The following RALGPS1 variants were observed in gnomAD, a reference collection of about 807,000 sequenced individuals.
The protein encoded by RALGPS1 is Ral GEF with PH domain and SH3 binding motif 1.
RALGPS1 carries 19 observed loss-of-function variants against 78.8 expected under a neutral mutation model. That is an observed-to-expected ratio of 0.24 (90% CI 0.17 to 0.35). RALGPS1 has a LOEUF of 0.35. Ranked by LOEUF, RALGPS1 falls within the 10% of genes least tolerant of loss-of-function variation. The pLI is 1.00. For synonymous variants in RALGPS1, 228 were observed against 256.3 expected (o/e 0.89, Z 1.06); for missense variants, 454 against 688.3 (o/e 0.66, Z 3.81).
chr9:127,186,597 G>T (rs2060662155), intron 11 of RALGPS1, among the ~76,000 whole-genome samples: 1 of 152,254 alleles, frequency 6.6e-6, no homozygotes, highest in Admixed American at 6.5e-5. Flanking sequence ...TCACTTACTG[G>T]CAGAGAGGCC....
intron 3 of RALGPS1, among the ~76,000 whole-genome samples, chr9:126,968,470 A>G (rs2039758699): frequency 6.6e-6 from 1 of 152,262 alleles, no homozygotes; most frequent in Admixed American, 6.5e-5. Context: ...AATGCTAGGA[A>G]GTAATTATAA....
At chr9:127,071,955 A>G (rs2050239359) in intron 8 of RALGPS1, among the ~76,000 whole-genome samples, 1 of 152,252 alleles carries the variant, frequency 6.6e-6, no homozygotes, top group African/African-American at 2.4e-5. Flanking sequence ...GCCCATGAGC[A>G]GTCATTCGCA....
chr9:127,198,405 C>G (rs927614871), intron 13 of RALGPS1, among the ~76,000 whole-genome samples: 2 of 152,214 alleles, frequency 1.3e-5, no homozygotes, highest in Non-Finnish European at 2.9e-5. Flanking sequence ...AGGAGAAAAT[C>G]TCTCCTCCAA....
intron 8 of RALGPS1, among the ~76,000 whole-genome samples, chr9:127,105,863 G>C (rs2054166974): frequency 6.6e-6 from 1 of 152,228 alleles, no homozygotes; most frequent in Admixed American, 6.5e-5. Context: ...GTCTAGTGCT[G>C]CGACTAGCAT....
At chr9:127,133,964 G>A (rs1367422450) in intron 8 of RALGPS1, among the ~76,000 whole-genome samples, 1 of 151,688 alleles carries the variant, frequency 6.6e-6, no homozygotes, top group Non-Finnish European at 1.5e-5. Context: ...GGCTGCTCCG[G>A]ATAATGCCCA....
At chr9:126,990,095 CTG>C (rs2042151861) in intron 4 of RALGPS1, 10 of 1,401,066 alleles carry the variant, frequency 7.1e-6, no homozygotes, top group South Asian at 5.5e-5. Flanking sequence ...CGGACAAACC[CTG>C]TGTGTCTTTG....
chr9:126,918,847 T>G (rs1225037954), intron 1 of RALGPS1, among the ~76,000 whole-genome samples: 1 of 151,950 alleles, frequency 6.6e-6, no homozygotes, highest in African/African-American at 2.4e-5. Context: ...TAATTTTGTA[T>G]TTTTAGTAGA....
chr9:126,948,886 T>C (rs1442001230), intron 1 of RALGPS1, among the ~76,000 whole-genome samples: 1 of 152,100 alleles, frequency 6.6e-6, no homozygotes, highest in African/African-American at 2.4e-5. Context: ...TACATATGTA[T>C]GCATGTGCCA....
At chr9:126,950,910 T>C (rs1235459384) in intron 1 of RALGPS1, among the ~76,000 whole-genome samples, 1 of 151,242 alleles carries the variant, frequency 6.6e-6, no homozygotes, top group Non-Finnish European at 1.5e-5. Context: ...ACAAAATTGA[T>C]AGACTGCTAG....
At chr9:127,030,001 T>C (rs1405869051) in intron 4 of RALGPS1, among the ~76,000 whole-genome samples, 1 of 152,222 alleles carries the variant, frequency 6.6e-6, no homozygotes, top group Non-Finnish European at 1.5e-5. Context: ...TTTGCACAGT[T>C]AGGGATTATT....
intron 8 of RALGPS1, among the ~76,000 whole-genome samples, chr9:127,139,965 T>C (rs1025654647): frequency 1.3e-5 from 2 of 152,224 alleles, no homozygotes; most frequent in African/African-American, 4.8e-5. Flanking sequence ...CGCCATCCGC[T>C]CATGGCATGT....
chr9:127,162,712 C>T (rs1276424687), intron 8 of RALGPS1, among the ~76,000 whole-genome samples: 1 of 152,130 alleles, frequency 6.6e-6, no homozygotes, highest in African/African-American at 2.4e-5. Context: ...CTCTGTGGGC[C>T]TCAGTTTGCA....
chr9:127,211,864 G>C lies in RALGPS1; in HGVS notation c.1248-267G>C, dbSNP rs1033741358. ...GACAAAAGCATCCCTTAGGGTGGGGGTGCTGATCAGGGCCTGGGTTATGAG... is the reference window on the plus strand; with the variant it reads ...GACAAAAGCATCCCTTAGGGTGGGGCTGCTGATCAGGGCCTGGGTTATGAG... On this transcript the variant is annotated intron_variant, in intron 14 of 18. Transcript: ENST00000259351. This position sits in a 1 kb window ranked among gnomAD's most constrained non-coding sequence, Gnocchi z 5.0. Among the ~76,000 whole-genome samples the C allele has an allele frequency of 6.6e-6, 1 of 152,146 alleles. No homozygotes were observed. The highest frequency in any genetic ancestry group is 1.5e-5 in the Non-Finnish European group (1 of 68,018).
At chr9:126,926,109 G>A (rs1003722063) in intron 1 of RALGPS1, among the ~76,000 whole-genome samples, 2 of 152,222 alleles carry the variant, frequency 1.3e-5, no homozygotes, top group Non-Finnish European at 2.9e-5. Context: ...AACATTACCT[G>A]TGGTTTCCAA....
At chr9:127,146,138 A>G (rs1196188860) in intron 8 of RALGPS1, among the ~76,000 whole-genome samples, 1 of 152,196 alleles carries the variant, frequency 6.6e-6, no homozygotes, top group Non-Finnish European at 1.5e-5. Context: ...GGAATATTGC[A>G]TGATGCTGAG....
rs138072782 is a variant in RALGPS1 at position 127,043,645 on chromosome 9, A to C, written c.301-6398A>C. Among the ~76,000 whole-genome samples, 631 of 152,328 alleles carry C rather than the reference A, an allele frequency of 4.1e-3. 5 individuals are homozygous for C. Among genetic ancestry groups the C allele is most frequent in the African/African-American group, 0.015 (608 of 41,584 alleles). The stretch of plus-strand genomic sequence containing the variant: ...TTAAATTTTTTTCACTCTGCAAAAC[A>C]CATGGTAAAGAGAATTAAAAGACTT... On this transcript the variant is annotated intron_variant, in intron 5 of 18. Coordinates refer to ENST00000259351, the MANE Select transcript of RALGPS1 (RefSeq NM_014636.3).
rs544027499 is a variant in RALGPS1, at chr9:127,030,628, G to A, written c.217-3803G>A. Among the ~76,000 whole-genome samples, 8 of 152,156 alleles carry A rather than the reference G, an allele frequency of 5.3e-5. No homozygotes were observed. The South Asian group carries it at 1.2e-3, about 24-fold the overall frequency. ...CAGGAGCTGGAGGGGACAGGGTCTG[G>A]GAGAGGTGTTTTTTATTGTTATTAA... On this transcript the variant is annotated intron_variant, in intron 4 of 18. Transcript: ENST00000259351.
At position 127,091,973 on chromosome 9, in the gene RALGPS1, G is replaced by C. The variant is rs763578177; in HGVS notation, c.610+22617G>C. Reference sequence around the variant, plus strand: ...AAACCCAGGAGAGTGTTAATGTGGAGCCTGCAGCACCTGCAGCCAGCAGGC... The same window carrying C: ...AAACCCAGGAGAGTGTTAATGTGGACCCTGCAGCACCTGCAGCCAGCAGGC... On this transcript the variant is annotated intron_variant, in intron 8 of 18. Transcript: ENST00000259351. The surrounding 1 kb of genome is among the most constrained non-coding windows in gnomAD (Gnocchi z 4.3). 1.7e-5 allele frequency: 27 copies of C among 1,604,506 alleles called. No homozygotes were observed. Among genetic ancestry groups the C allele is most frequent in the Non-Finnish European group, 2.1e-5 (25 of 1,173,732 alleles).
At chr9:127,074,806 C>G (rs923225205) in intron 8 of RALGPS1, among the ~76,000 whole-genome samples, 1 of 152,238 alleles carries the variant, frequency 6.6e-6, no homozygotes, top group Non-Finnish European at 1.5e-5. Context: ...GGCTATAAGC[C>G]CTAAGCTCTT....
Sources: allele counts gnomAD v4.1 joint callset (sites outside exome capture counted in the v4.1 genomes callset), GRCh38; gene constraint gnomAD v4.1.1; non-coding constraint Gnocchi (gnomAD v3.1); transcripts MANE v1.5; gene names NCBI Gene and HGNC (gene_info 2026-07-23, HGNC 2026-07-21).